The following SPTB variants were observed in gnomAD, a reference collection of about 807,000 sequenced individuals.
SPTB encodes the protein spectrin beta, erythrocytic, also known as spectrin beta chain, erythrocytic.
SPTB carries 45 observed loss-of-function variants against 256.2 expected under a neutral mutation model. The observed-to-expected ratio is 0.18, with a 90% CI of 0.14 to 0.23. SPTB has a LOEUF of 0.23. Ranked by LOEUF, SPTB falls within the 10% of genes least tolerant of loss-of-function variation. SPTB has a pLI of 1.00. For missense variants in SPTB, 2,715 were observed against 3,040.4 expected, an observed-to-expected ratio of 0.89 and a Z score of 2.52; for synonymous variants, 1,231 against 1,243.1, an observed-to-expected ratio of 0.99 and a Z score of 0.21.
Position 64,791,792 on chromosome 14 carries a change from C to T in SPTB, c.2731G>A (p.Ala911Thr), listed in dbSNP as rs776584817. Residue 911 changes from alanine to threonine, a missense_variant, in exon 15 of 36, where the codon GCC becomes ACC. Physicochemically the swap from Ala to Thr is moderately conservative, Grantham distance 58. Coordinates refer to ENST00000644917, the MANE Select transcript of SPTB (RefSeq NM_001355436.2). ...MTQIDGVNLA[A>T]NSLVESGHPR... The stretch of plus-strand genomic sequence containing the variant: ...TGGCCACTCTCTACCAAGCTGTTGG[C>T]AGCGAGGTTCACACCATCAATCTGA... 6.2e-7 allele frequency: 1 copy of T among 1,614,140 alleles called. No individual in the cohort carries two copies. The highest frequency in any genetic ancestry group is 8.5e-7 in the Non-Finnish European group (1 of 1,180,028).
Position 64,786,631 on chromosome 14 carries a change from C to G in SPTB, c.3334G>C (p.Gly1112Arg). 2 of 1,614,172 alleles carry G rather than the reference C, an allele frequency of 1.2e-6. No homozygotes were observed. The highest frequency in any genetic ancestry group is 2.2e-5 in the South Asian group (2 of 91,086). Residue 1112 changes from glycine to arginine, a missense_variant, in exon 16 of 36, where the codon GGG (glycine) becomes CGG (arginine). Coordinates refer to ENST00000644917, the MANE Select transcript of SPTB (RefSeq NM_001355436.2). The surrounding 1 kb of genome is among the most constrained non-coding windows in gnomAD (Gnocchi z 5.6). ...QHAGIKDEID[G>R]HQDSYQRVKE... ...ACACGCTGGTAGCTGTCTTGGTGCC[C>G]GTCAATCTCATCCTTGATACCTGCA... is the stretch of plus-strand genomic sequence containing the variant.
chr14:64,774,201 C>T (rs779868793), intron 24 of SPTB, among the ~76,000 whole-genome samples, 196 bp downstream of exon 24: 3 of 152,212 alleles, frequency 2.0e-5, no homozygotes, highest in African/African-American at 2.4e-5. Context: ...CTCGATGGCC[C>T]AGCTGGAAGT....
At chr14:64,850,918 T>G (rs2083773404) in intron 1 of SPTB, among the ~76,000 whole-genome samples, 2 of 152,198 alleles carry the variant, frequency 1.3e-5, no homozygotes, top group African/African-American at 2.4e-5. Context: ...CATGCAGTCT[T>G]TCAGACATTA....
chr14:64,789,486 A>C (rs2082632550), intron 15 of SPTB, among the ~76,000 whole-genome samples: 1 of 152,324 alleles, frequency 6.6e-6, no homozygotes, highest in African/African-American at 2.4e-5. Context: ...GAAGGTAACA[A>C]TATAGAGGCC....
chr14:64,749,256 T>C lies in SPTB; in HGVS notation c.*50A>G. 1 of 1,537,642 alleles carries C rather than the reference T, an allele frequency of 6.5e-7. No individual in the cohort carries two copies. The highest frequency in any genetic ancestry group is 1.9e-5 in the Admixed American group (1 of 51,338). ...GGCGAGAGGAGGCCAAGGCCTGGGC[T>C]GCCCGGTCTCTGCGCGTCCCGACTC... On this transcript the variant is annotated 3_prime_UTR_variant, in exon 36 of 36. Coordinates refer to ENST00000644917, the MANE Select transcript of SPTB (RefSeq NM_001355436.2). The surrounding 1 kb of genome is among the most constrained non-coding windows in gnomAD (Gnocchi z 4.7).
intron 2 of SPTB, among the ~76,000 whole-genome samples, chr14:64,809,982 A>G (rs2083058159): frequency 6.6e-6 from 1 of 152,216 alleles, no homozygotes; most frequent in Non-Finnish European, 1.5e-5. Context: ...AAATTATACA[A>G]TTTGAATTTG....
chr14:64,841,844 C>T lies in SPTB; in HGVS notation c.-51-18699G>A, dbSNP rs779135174. Among the ~76,000 whole-genome samples, 1 of 152,168 alleles carries T rather than the reference C, an allele frequency of 6.6e-6. No homozygotes were observed. Among genetic ancestry groups the T allele is most frequent in the African/African-American group, 2.4e-5 (1 of 41,426 alleles). On this transcript the variant is annotated intron_variant, in intron 1 of 35. Transcript: ENST00000644917. The surrounding 1 kb of genome is among the most constrained non-coding windows in gnomAD (Gnocchi z 4.6). ...CGCGTATGGAACCAGAAGAGGGTTT[C>T]TTGCAGAAGGTGCCCCAAGGTGTTG... is the stretch of plus-strand genomic sequence containing the variant.
chr14:64,795,516 C>T lies in SPTB; in HGVS notation c.1465G>A (p.Glu489Lys), dbSNP rs762902447. The T allele has an allele frequency of 4.3e-6, 7 of 1,614,150 alleles. No homozygotes were observed. Among genetic ancestry groups the T allele is most frequent in the Non-Finnish European group, 5.9e-6 (7 of 1,180,038 alleles). ...TTCTGGTCATGGTAGTTCTCTTTCT[C>T]CAGCTCCTGAGCCAGGTCCTCCAGG... ...RALEDLAQEL[E>K]KENYHDQKRI... The change falls in exon 12 of 36, where the codon GAG (glutamate) becomes AAG (lysine). Residue 489 changes from glutamate (E) to lysine (K), a missense_variant. This residue lies in a region of SPTB where 416 missense variants were observed against 571.1 expected (regional missense o/e 0.73). Transcript: ENST00000644917. The surrounding 1 kb of genome is among the most constrained non-coding windows in gnomAD (Gnocchi z 6.5).
intron 1 of SPTB, among the ~76,000 whole-genome samples, chr14:64,876,437 G>T (rs953162478): frequency 1.3e-5 from 2 of 152,112 alleles, no homozygotes; most frequent in Non-Finnish European, 2.9e-5. Context: ...ACCTTTTCAG[G>T]TCTTGAGCAG....
At position 64,805,018 on chromosome 14, in the gene SPTB, C is replaced by T. The variant is rs757763783; in HGVS notation, c.221G>A (p.Arg74His). 65 of 1,613,868 alleles carry T rather than the reference C, an allele frequency of 4.0e-5. No individual in the cohort carries two copies. The highest frequency in any genetic ancestry group is 3.3e-4 in the Middle Eastern group (2 of 6,062). ...CAGGTCCTTGTAGAGATCGGTGATG[C>T]GGCAGGACACTCGAGCCAGGTGCGA... ...VNSHLARVSC[R>H]ITDLYKDLRD... Residue 74 changes from arginine to histidine, a missense_variant, in exon 3 of 36, where the codon CGC becomes CAC. Transcript: ENST00000644917.
Position 64,785,618 on chromosome 14 carries a change from C to T in SPTB, c.3774G>A (p.Lys1258=). The change falls in exon 18 of 36, where the codon AAG becomes AAA. Residue 1258 remains lysine, a synonymous_variant. Transcript: ENST00000644917. The surrounding 1 kb of genome is among the most constrained non-coding windows in gnomAD (Gnocchi z 4.4). ...AGGCCTCCTGGGCCTTCTCGTTGTT[C>T]TTCCTGTGCCTGGAAAGGAAGCCAA... ...KVQLIEDRHR[K]NNEKAQEASV... 6.2e-7 allele frequency: 1 copy of T among 1,614,118 alleles called. No individual in the cohort carries two copies. Among genetic ancestry groups the T allele is most frequent in the Non-Finnish European group, 8.5e-7 (1 of 1,180,020 alleles).
chr14:64,786,767 G>A lies in SPTB; in HGVS notation c.3198C>T (p.Phe1066=). The change falls in exon 16 of 36, where the codon TTC becomes TTT. Residue 1066 remains phenylalanine, a synonymous_variant. Transcript: ENST00000644917. The surrounding 1 kb of genome is among the most constrained non-coding windows in gnomAD (Gnocchi z 5.6). ...LLGEVSQLQA[F]LQDLDDFQAW... ...CCTGGAAGTCATCCAGATCCTGCAGGAAGGCCTGCAGCTGGCTGACTTCCC... is the reference window on the plus strand; with the variant it reads ...CCTGGAAGTCATCCAGATCCTGCAGAAAGGCCTGCAGCTGGCTGACTTCCC... 1.2e-6 allele frequency: 2 copies of A among 1,614,076 alleles called. No individual in the cohort carries two copies. Among genetic ancestry groups the A allele is most frequent in the Non-Finnish European group, 1.7e-6 (2 of 1,180,020 alleles).
In SPTB at chr14:64,786,980, C is replaced by T. The variant is rs1471882903; in HGVS notation, c.2985G>A (p.Arg995=). 27 of 1,614,018 alleles carry T rather than the reference C, an allele frequency of 1.7e-5. No homozygotes were observed. Among genetic ancestry groups the T allele is most frequent in the African/African-American group, 2.7e-5 (2 of 74,950 alleles). ...CGTCACGCTCCAGCCCTGACAACTT[C>T]CTCTGGATGGCGATGATACCTGCCA... ...RDLAGIIAIQ[R]KLSGLERDVA... The change falls in exon 16 of 36, where the codon AGG becomes AGA. Residue 995 remains arginine (R), a synonymous_variant. Coordinates refer to ENST00000644917, the MANE Select transcript of SPTB (RefSeq NM_001355436.2). This position sits in a 1 kb window ranked among gnomAD's most constrained non-coding sequence, Gnocchi z 5.6.
intron 1 of SPTB, among the ~76,000 whole-genome samples, chr14:64,854,538 A>G (rs534261074): frequency 6.9e-4 from 105 of 152,040 alleles, no homozygotes; most frequent in African/African-American, 2.4e-3. Flanking sequence ...TCCGCCTCCC[A>G]AAGTGCTGGG....
intron 1 of SPTB, among the ~76,000 whole-genome samples, chr14:64,877,076 G>C (rs562667218): frequency 6.6e-6 from 1 of 151,036 alleles, no homozygotes; most frequent in South Asian, 2.1e-4. Context: ...GCCATCCTCT[G>C]TCCTATCACA....
Position 64,787,086 on chromosome 14 carries a change from C to A in SPTB, c.2879G>T (p.Cys960Phe). 3 of 1,612,696 alleles carry A rather than the reference C, an allele frequency of 1.9e-6. No homozygotes were observed. Among genetic ancestry groups the A allele is most frequent in the Non-Finnish European group, 2.5e-6 (3 of 1,180,016 alleles). Residue 960 changes from cysteine to phenylalanine, a missense_variant, in exon 16 of 36, where the codon TGC becomes TTC. Around this residue, in one of 4 missense-constraint regions of SPTB, gnomAD observed 2,239 missense variants for 2,384.4 expected, o/e 0.94. Transcript: ENST00000644917. ...VDSALRVHNY[C>F]VDCEETSKWI... is the part of the protein sequence containing the mutation. The stretch of plus-strand genomic sequence containing the variant: ...CTTGCTGGTCTCCTCGCAATCTACG[C>A]AGTAGTTGTGCACTCGGAGGGCTGA...
rs1004448715 is a variant in SPTB at position 64,778,660 on chromosome 14, T to G, written c.4563+497A>C. Among the ~76,000 whole-genome samples, 1 of 152,172 alleles carries G rather than the reference T, an allele frequency of 6.6e-6. No individual in the cohort carries two copies. The highest frequency in any genetic ancestry group is 1.5e-5 in the Non-Finnish European group (1 of 68,028). On this transcript the variant is annotated intron_variant, in intron 22 of 35. Coordinates refer to ENST00000644917, the MANE Select transcript of SPTB (RefSeq NM_001355436.2). The surrounding 1 kb of genome is among the most constrained non-coding windows in gnomAD (Gnocchi z 5.2). ...GGCTCAGAGTCCAAAGTTAGTGGCTTCCTAATGGAATTTGAGCCCCACAAG... is the reference window on the plus strand; with the variant it reads ...GGCTCAGAGTCCAAAGTTAGTGGCTGCCTAATGGAATTTGAGCCCCACAAG...
In SPTB at chr14:64,772,487, T is replaced by C; in HGVS notation, c.5553+93A>G. ...AGGAGGCAAAACCTCCTGGCACTTA[T>C]CCTAGAGGTTTTCCTGCTGACAGCC... is the stretch of plus-strand genomic sequence containing the variant. On this transcript the variant is annotated intron_variant, in intron 26 of 35. Transcript: ENST00000644917. The surrounding 1 kb of genome is among the most constrained non-coding windows in gnomAD (Gnocchi z 5.4). 1 of 1,539,398 alleles carries C rather than the reference T, an allele frequency of 6.5e-7. No homozygotes were observed. Among genetic ancestry groups the C allele is most frequent in the Non-Finnish European group, 8.7e-7 (1 of 1,145,954 alleles).
At chr14:64,828,368 C>G (rs1594820897) in intron 1 of SPTB, among the ~76,000 whole-genome samples, 1 of 152,294 alleles carries the variant, frequency 6.6e-6, no homozygotes, top group Middle Eastern at 3.4e-3. Flanking sequence ...GGAACAGGTG[C>G]TACTCAGCTC....
Sources: allele counts gnomAD v4.1 joint callset (sites outside exome capture counted in the v4.1 genomes callset), GRCh38; gene constraint gnomAD v4.1.1; regional missense constraint gnomAD v4.1.1; non-coding constraint Gnocchi (gnomAD v3.1); transcripts MANE v1.5; gene names NCBI Gene and HGNC (gene_info 2026-07-23, HGNC 2026-07-21).